Variants in DPF3 observed in about 807,000 individuals in gnomAD.
DPF3 encodes the protein double PHD fingers 3, also known as zinc finger protein DPF3.
In DPF3, 18 loss-of-function variants were observed where a neutral mutation model predicts 56.8. That is an observed-to-expected ratio of 0.32 (90% CI 0.22 to 0.47). The LOEUF (loss-of-function observed/expected upper bound fraction) is 0.47, where lower values mean the gene tolerates loss of function less well. Ranked by LOEUF, DPF3 falls within the 20% of genes least tolerant of loss-of-function variation. The pLI is 1.00. For synonymous variants in DPF3, 188 were observed against 180.2 expected (o/e 1.04, Z -0.35); for missense variants, 403 against 488.8 (o/e 0.82, Z 1.65).
At chr14:72,858,657 C>T (rs946065379) in intron 1 of DPF3, among the ~76,000 whole-genome samples, 1 of 152,186 alleles carries the variant, frequency 6.6e-6, no homozygotes, top group Non-Finnish European at 1.5e-5. Flanking sequence ...CTAGCCCTGC[C>T]TTATGCAAAA....
chr14:72,638,820 T>TTTTC, intron 8 of DPF3, among the ~76,000 whole-genome samples: 1 of 47,012 alleles, frequency 2.1e-5, no homozygotes, highest in Non-Finnish European at 3.9e-5. Context: ...TTGTTTTACA[T>TTTTC]TTTTTTTTTT....
intron 1 of DPF3, among the ~76,000 whole-genome samples, chr14:72,780,795 G>GA (rs5809590): frequency 0.83 from 125,920 of 152,204 alleles, 52,208 homozygotes; most frequent in South Asian, 0.88. Flanking sequence ...GAAGCTCACT[G>GA]ATTCTCAATG....
chr14:72,625,340 TA>T (rs916661851), intron 9 of DPF3, among the ~76,000 whole-genome samples: 8 of 152,336 alleles, frequency 5.3e-5, no homozygotes, highest in African/African-American at 1.7e-4. Flanking sequence ...ATAATGTCAT[TA>T]TTTTTTTGCT....
At chr14:72,865,865 G>C (rs1188573944) in intron 1 of DPF3, among the ~76,000 whole-genome samples, 2 of 152,100 alleles carry the variant, frequency 1.3e-5, no homozygotes, top group Admixed American at 6.6e-5. Context: ...TGGCCAACAT[G>C]ATGAAACCCC....
In DPF3 at chr14:72,731,786, C is replaced by T. The variant is rs767305230; in HGVS notation, c.429+21G>A. On this transcript the variant is annotated intron_variant, in intron 4 of 10. Transcript: ENST00000556509. ...TGGTGACAGGAACACTCTGTGGGGT[C>T]CCCAGCAGGTGTGGGAATACCTGTA... 4 of 1,612,580 alleles carry T rather than the reference C, an allele frequency of 2.5e-6. No individual in the cohort carries two copies. The Admixed American group carries it at 5.0e-5, about 20-fold the overall frequency.
intron 1 of DPF3, among the ~76,000 whole-genome samples, chr14:72,795,036 T>C (rs1432948495): frequency 6.6e-6 from 1 of 152,002 alleles, no homozygotes; most frequent in Non-Finnish European, 1.5e-5. Context: ...TCTCCTCATC[T>C]CAAAGTCCTT....
At chr14:72,771,397 T>G (rs1891525547) in intron 2 of DPF3, among the ~76,000 whole-genome samples, 1 of 152,114 alleles carries the variant, frequency 6.6e-6, no homozygotes, top group Non-Finnish European at 1.5e-5. Flanking sequence ...GATTTCCGGC[T>G]TGTAACCAAC....
chr14:72,678,049 T>A (rs150681817), intron 7 of DPF3, among the ~76,000 whole-genome samples: 157 of 152,366 alleles, frequency 1.0e-3, no homozygotes, highest in African/African-American at 3.7e-3. Context: ...GGATGCTTTA[T>A]ATATGTTATT....
chr14:72,625,940 A>T (rs1446892728), intron 9 of DPF3, among the ~76,000 whole-genome samples: 1 of 152,182 alleles, frequency 6.6e-6, no homozygotes, highest in Non-Finnish European at 1.5e-5. Flanking sequence ...TAATTCATAT[A>T]CCTATGAAAA....
At chr14:72,659,445 C>T (rs1352450697) in intron 8 of DPF3, among the ~76,000 whole-genome samples, 1 of 152,174 alleles carries the variant, frequency 6.6e-6, no homozygotes, top group South Asian at 2.1e-4. Context: ...AAAAGTCAGT[C>T]CCTGTCCTCA....
At chr14:72,787,039 G>A (rs1416347406) in intron 1 of DPF3, among the ~76,000 whole-genome samples, 4 of 152,260 alleles carry the variant, frequency 2.6e-5, no homozygotes, top group African/African-American at 9.6e-5. Flanking sequence ...GACTCAGAGA[G>A]AGTTGATTTT....
At chr14:72,715,198 G>A (rs1025569439) in intron 5 of DPF3, among the ~76,000 whole-genome samples, 1 of 152,148 alleles carries the variant, frequency 6.6e-6, no homozygotes, top group African/African-American at 2.4e-5. Context: ...TGACCCCCAT[G>A]GTCTCCTGGG....
intron 3 of DPF3, among the ~76,000 whole-genome samples, chr14:72,738,759 T>A (rs1414622196): frequency 6.6e-6 from 1 of 152,192 alleles, no homozygotes; most frequent in Non-Finnish European, 1.5e-5. Flanking sequence ...AGAGAGTCAA[T>A]CTTAAATGTT....
intron 2 of DPF3, among the ~76,000 whole-genome samples, chr14:72,757,970 A>C (rs1049710747): frequency 6.6e-6 from 1 of 152,174 alleles, no homozygotes; most frequent in Non-Finnish European, 1.5e-5. Flanking sequence ...AAGCTAAAAA[A>C]AATTACCTAG....
At chr14:72,830,015 G>C (rs1246134017) in intron 1 of DPF3, among the ~76,000 whole-genome samples, 1 of 152,188 alleles carries the variant, frequency 6.6e-6, no homozygotes, top group Non-Finnish European at 1.5e-5. Flanking sequence ...CAAAGTGTTA[G>C]GATTACAGGC....
At chr14:72,642,935 C>A (rs973935734) in intron 8 of DPF3, among the ~76,000 whole-genome samples, 2 of 152,208 alleles carry the variant, frequency 1.3e-5, no homozygotes, top group African/African-American at 4.8e-5. Flanking sequence ...TCCAAGGAAG[C>A]ACCTTTCTAT....
chr14:72,625,043 TG>T (rs1339267762), intron 9 of DPF3, among the ~76,000 whole-genome samples: 1 of 152,240 alleles, frequency 6.6e-6, no homozygotes, highest in African/African-American at 2.4e-5. Flanking sequence ...GTAATATTGT[TG>T]GGGAGATACT....
At chr14:72,637,182 A>G (rs937126413) in intron 8 of DPF3, among the ~76,000 whole-genome samples, 1 of 152,242 alleles carries the variant, frequency 6.6e-6, no homozygotes, top group African/African-American at 2.4e-5. Context: ...AAATGGTCCT[A>G]GAAATTCCCC....
intron 3 of DPF3, 63 bp from the exon 4 acceptor site, chr14:72,731,997 T>C: frequency 6.5e-7 from 1 of 1,541,236 alleles, no homozygotes; most frequent in Non-Finnish European, 8.8e-7. Context: ...GGAGGGACAG[T>C]CCTGGAGGAC....
Sources: gnomAD v4.1 joint callset for allele counts (sites outside exome capture counted in the v4.1 genomes callset) on GRCh38, gnomAD v4.1.1 for gene constraint, MANE v1.5 for transcripts, NCBI Gene and HGNC (gene_info 2026-07-23, HGNC 2026-07-21) for gene names.